DMD: variants seen among roughly 807,000 people sequenced by gnomAD.
DMD encodes dystrophin.
A neutral mutation model predicts 330.1 loss-of-function variants in DMD; 63 were observed. The observed-to-expected ratio is 0.19, with a 90% CI of 0.16 to 0.24. The LOEUF (loss-of-function observed/expected upper bound fraction) is 0.24. Among genes scored for constraint, DMD ranks in the 10% least tolerant of loss-of-function variants. The pLI, the probability that DMD is intolerant of heterozygous loss-of-function variation, is 1.00. For missense variants in DMD, 3,344 were observed against 2,684.1 expected (o/e 1.25, Z -5.43); for synonymous variants, 1,223 against 959.8 (o/e 1.27, Z -5.07).
At chrX:33,030,785 T>A (rs1431573693) in intron 1 of DMD, among the ~76,000 whole-genome samples, 1 of 111,451 alleles carries the variant, frequency 9.0e-6, no homozygotes, top group African/African-American at 3.3e-5. Flanking sequence ...CCTGAAAATT[T>A]AAAAAAATAC....
At chrX:32,693,292 G>T (rs1300921589) in intron 9 of DMD, among the ~76,000 whole-genome samples, 1 of 112,211 alleles carries the variant, frequency 8.9e-6, no homozygotes, top group African/African-American at 3.2e-5. Flanking sequence ...CTGAACTAAA[G>T]AACTGTAAAA....
chrX:32,629,554 C>G (rs188167175), intron 11 of DMD, among the ~76,000 whole-genome samples: 4 of 111,012 alleles, frequency 3.6e-5, no homozygotes, highest in Non-Finnish European at 5.7e-5. Context: ...TTAAACACTT[C>G]CCATTTTGCT....
At chrX:32,336,112 T>C (rs2097713606) in intron 41 of DMD, among the ~76,000 whole-genome samples, 2 of 109,933 alleles carry the variant, frequency 1.8e-5, no homozygotes, top group Non-Finnish European at 3.8e-5. Flanking sequence ...GTACATGTTA[T>C]ATATGTTATA....
chrX:33,329,475 T>C (rs993672431), intron 1 of DMD, among the ~76,000 whole-genome samples: 6 of 112,272 alleles, frequency 5.3e-5, no homozygotes, highest in African/African-American at 1.9e-4. Context: ...AGTGGAATTA[T>C]TTTTAAGAGT....
intron 34 of DMD, 86 bp downstream of exon 34, chrX:32,380,424 A>C: frequency 2.3e-6 from 2 of 856,303 alleles, no homozygotes; most frequent in East Asian, 6.3e-5. Context: ...TAATGCTATT[A>C]TTGCTACATG....
chrX:31,317,163 A>C (rs979267971), intron 62 of DMD, among the ~76,000 whole-genome samples: 3 of 111,738 alleles, frequency 2.7e-5, no homozygotes, highest in Non-Finnish European at 5.6e-5. Context: ...CTGCTTCCTT[A>C]AATGACAGAG....
At chrX:31,329,013 G>A (rs909615142) in intron 61 of DMD, among the ~76,000 whole-genome samples, 1 of 112,157 alleles carries the variant, frequency 8.9e-6, no homozygotes, top group African/African-American at 3.2e-5. Flanking sequence ...CTAGACCAAT[G>A]ACATCTATAC....
intron 41 of DMD, among the ~76,000 whole-genome samples, chrX:32,333,566 T>C (rs779547493): frequency 9.0e-6 from 1 of 111,523 alleles, no homozygotes; most frequent in African/African-American, 3.2e-5. Flanking sequence ...TGATCTATAC[T>C]TATATTTCTT....
intron 30 of DMD, among the ~76,000 whole-genome samples, chrX:32,402,064 C>T (rs372500952): frequency 3.6e-5 from 4 of 111,565 alleles, no homozygotes; most frequent in African/African-American, 1.3e-4. Flanking sequence ...AGTAAAAATG[C>T]TTTAGCATTA....
intron 2 of DMD, among the ~76,000 whole-genome samples, chrX:32,867,536 A>G (rs1488363404): frequency 8.9e-6 from 1 of 112,304 alleles, no homozygotes; most frequent in Non-Finnish European, 1.9e-5. Flanking sequence ...GCTTAAATAG[A>G]AGTTTTTACC....
chrX:32,013,093 C>CTATTTTTTTTTTTTTTT (rs1557064304), intron 44 of DMD, among the ~76,000 whole-genome samples: 5 of 61,198 alleles, frequency 8.2e-5, no homozygotes, highest in African/African-American at 3.2e-4. Context: ...CTTTTCTTTC[C>CTATTTTTTTTTTTTTTT]TTTTTTTTTT....
rs182334150 is a variant in DMD, at chrX:31,237,061, A to T, written c.9287-13940T>A. On this transcript the variant is annotated intron_variant, in intron 63 of 78. Transcript: ENST00000357033. Reference sequence around the variant, plus strand: ...CATGAATAAAATGGATGCCAAAATGAACCACAGTAGAAATTAACCTTAGTT... The same window carrying T: ...CATGAATAAAATGGATGCCAAAATGTACCACAGTAGAAATTAACCTTAGTT... Among the ~76,000 whole-genome samples, 19 of 112,205 alleles carry T rather than the reference A, an allele frequency of 1.7e-4. No individual in the cohort carries two copies. In the East Asian group the frequency reaches 4.8e-3, roughly 28 times the overall value.
Position 32,746,490 on chromosome X carries a change from C to A in DMD, c.650-47197G>T, listed in dbSNP as rs749074200. ...GTCACCTGGGACCTTTTTAGAAATA[C>A]CGAATTTCAGGACTCTCCCAGACTT... On this transcript the variant is annotated intron_variant, in intron 7 of 78. Coordinates refer to ENST00000357033, the MANE Select transcript of DMD (RefSeq NM_004006.3). 4.5e-5 allele frequency among the ~76,000 whole-genome samples: 5 copies of A among 111,654 alleles called. No individual in the cohort carries two copies. The South Asian group carries it at 1.9e-3, about 42-fold the overall frequency.
chrX:31,230,209 C>T (rs1292393437), intron 63 of DMD, among the ~76,000 whole-genome samples: 1 of 112,144 alleles, frequency 8.9e-6, no homozygotes, highest in Non-Finnish European at 1.9e-5. Context: ...TAAACCTACA[C>T]ACAGATAAAC....
intron 7 of DMD, among the ~76,000 whole-genome samples, chrX:32,720,182 C>T (rs2066141508): frequency 9.0e-6 from 1 of 110,886 alleles, no homozygotes; most frequent in Non-Finnish European, 1.9e-5. Flanking sequence ...TTTTTGTCTA[C>T]CACAATTCTT....
intron 44 of DMD, among the ~76,000 whole-genome samples, chrX:32,081,393 C>A (rs748664849): frequency 1.8e-5 from 2 of 111,872 alleles, no homozygotes; most frequent in East Asian, 5.6e-4. Flanking sequence ...TTTGGGTTGA[C>A]TGTCTCATTA....
intron 62 of DMD, among the ~76,000 whole-genome samples, chrX:31,319,377 T>A (rs749778550): frequency 6.8e-4 from 76 of 112,568 alleles, no homozygotes; most frequent in Non-Finnish European, 1.1e-3. Context: ...ATGTTTTTAC[T>A]GAATTTCAAA....
chrX:32,125,633 T>C (rs1435304531), intron 44 of DMD, among the ~76,000 whole-genome samples: 1 of 112,086 alleles, frequency 8.9e-6, no homozygotes, highest in African/African-American at 3.2e-5. Flanking sequence ...TAAGATTACC[T>C]AGGGACAGAA....
chrX:32,168,051 A>G (rs16990134), intron 44 of DMD, among the ~76,000 whole-genome samples: 9,679 of 112,259 alleles, frequency 0.086, 413 homozygotes, highest in African/African-American at 0.16. Flanking sequence ...ACCTTAGTTT[A>G]TAGAATCTCA....
Sources: allele counts gnomAD v4.1 joint callset (sites outside exome capture counted in the v4.1 genomes callset), GRCh38; gene constraint gnomAD v4.1.1; transcripts MANE v1.5; gene names NCBI Gene and HGNC (gene_info 2026-07-23, HGNC 2026-07-21).